NLGN4Y: variants seen among roughly 807,000 people sequenced by gnomAD.
NLGN4Y encodes neuroligin-4, Y-linked.
Under a neutral mutation model 8.4 loss-of-function variants are expected in NLGN4Y, and 4 were observed. The ratio of observed to expected loss-of-function variants is 0.48; its 90% CI spans 0.23 to 1.09. NLGN4Y has a LOEUF of 1.09. NLGN4Y is among the 50% of genes least tolerant of loss of function. The pLI, the probability that NLGN4Y is intolerant of heterozygous loss-of-function variation, is 0.19. For synonymous variants in NLGN4Y, 35 were observed against 75.6 expected (o/e 0.46, Z 2.78); for missense variants, 90 against 192.3 (o/e 0.47, Z 3.15).
chrY:14,564,393 C>T, intron 1 of NLGN4Y, among the ~76,000 whole-genome samples: 2 of 33,321 alleles, frequency 6.0e-5, no homozygotes, highest in South Asian at 1.4e-3. Context: ...ATTCTTGCTG[C>T]CAGAACAGCA....
At chrY:14,691,229 C>G in intron 2 of NLGN4Y, among the ~76,000 whole-genome samples, 1 of 33,292 alleles carries the variant, frequency 3.0e-5, no homozygotes, top group Non-Finnish European at 7.5e-5. Flanking sequence ...CTTAAGTCCC[C>G]TAGGGTTCAA....
At chrY:14,803,668 C>G (rs970836356) in intron 4 of NLGN4Y, among the ~76,000 whole-genome samples, 34 of 32,497 alleles carry the variant, frequency 1.0e-3, no homozygotes, top group Non-Finnish European at 1.7e-3. Flanking sequence ...TGAGTAAAAG[C>G]CTAGGGTGCA....
chrY:14,728,142 G>A, intron 4 of NLGN4Y, among the ~76,000 whole-genome samples: 2 of 33,601 alleles, frequency 6.0e-5, no homozygotes, highest in Admixed American at 2.7e-4. Context: ...TTGTATTCTT[G>A]GATCATTGGC....
rs201729548 is a variant in NLGN4Y, at chrY:14,645,207, C to T, written c.472+22616C>T. On this transcript the variant is annotated intron_variant, in intron 2 of 6. Transcript: ENST00000684976. ...TTTTTTTTTGTGACGGAGTCTCACTCTGTTGTCCAGGCTGGAGGACAGTGG... is the reference window on the plus strand; with the variant it reads ...TTTTTTTTTGTGACGGAGTCTCACTTTGTTGTCCAGGCTGGAGGACAGTGG... 1.3e-3 allele frequency among the ~76,000 whole-genome samples: 19 copies of T among 14,713 alleles called. No individual in the cohort carries two copies. The East Asian group carries it at 0.033, about 25-fold the overall frequency. The allele number at this position is 14,713 out of a possible 37,273, so 39.5% of individuals were successfully genotyped here. A position where few individuals can be genotyped will look rare whatever the true frequency, so the allele number is the denominator to read the frequency against.
In NLGN4Y at chrY:14,622,065, T is replaced by A. The variant is rs753887445; in HGVS notation, c.-55T>A. 3.3e-6 allele frequency: 1 copy of A among 302,665 alleles called. No homozygotes were observed. Among genetic ancestry groups the A allele is most frequent in the Admixed American group, 7.7e-5 (1 of 13,005 alleles). 75.5% of individuals were successfully genotyped at this position (302,665 alleles called of 400,897 possible). ...TCTGCAGGCTCGCCTCTGAGCTTTG[T>A]CTCCTTGGAGCCACCTCACTTAGAC... On this transcript the variant is annotated 5_prime_UTR_variant, in exon 2 of 7. Transcript: ENST00000684976.
At chrY:14,804,944 G>T (rs1045418471) in intron 4 of NLGN4Y, among the ~76,000 whole-genome samples, 52 of 33,559 alleles carry the variant, frequency 1.5e-3, no homozygotes, top group Non-Finnish European at 5.9e-4. Context: ...AGGAAGCTTT[G>T]CTAGGTTGCC....
intron 2 of NLGN4Y, among the ~76,000 whole-genome samples, chrY:14,706,090 T>C: frequency 6.0e-5 from 2 of 33,566 alleles, no homozygotes; most frequent in Non-Finnish European, 1.5e-4. Flanking sequence ...CAGTTCAGTA[T>C]AGCATTGAGC....
intron 1 of NLGN4Y, among the ~76,000 whole-genome samples, chrY:14,563,401 G>A: frequency 3.0e-5 from 1 of 33,162 alleles, no homozygotes; most frequent in African/African-American, 1.2e-4. Flanking sequence ...CATCTCAATC[G>A]TATTGGATAA....
At chrY:14,603,645 C>G (rs779066394) in intron 1 of NLGN4Y, among the ~76,000 whole-genome samples, 1 of 33,286 alleles carries the variant, frequency 3.0e-5, no homozygotes, top group Non-Finnish European at 7.4e-5. Context: ...CATGGTGGCA[C>G]ATAACATTTT....
chrY:14,824,651 A>C, intron 5 of NLGN4Y, among the ~76,000 whole-genome samples: 2 of 33,645 alleles, frequency 5.9e-5, no homozygotes, highest in Non-Finnish European at 1.5e-4. Context: ...AACCTGCTGA[A>C]TACCTGGGAC....
At chrY:14,547,728 G>C in intron 1 of NLGN4Y, among the ~76,000 whole-genome samples, 1 of 33,758 alleles carries the variant, frequency 3.0e-5, no homozygotes, top group South Asian at 6.5e-4. Context: ...GGACTTTGCA[G>C]AATTATTAAA....
chrY:14,657,318 A>G, intron 2 of NLGN4Y, among the ~76,000 whole-genome samples: 1 of 32,459 alleles, frequency 3.1e-5, no homozygotes, highest in Non-Finnish European at 7.5e-5. Context: ...CATTACATTT[A>G]GCGGTCATGT....
At position 14,843,143 on chromosome Y, in the gene NLGN4Y, C is replaced by T; in HGVS notation, c.*1881C>T. 2 of 121,630 alleles carry T rather than the reference C, an allele frequency of 1.6e-5. No homozygotes were observed. Among genetic ancestry groups the T allele is most frequent in the Non-Finnish European group, 3.6e-5 (2 of 56,132 alleles). The allele number at this position is 121,630 out of a possible 400,897, so 30.3% of individuals were successfully genotyped here. The stretch of plus-strand genomic sequence containing the variant: ...ATACACTCAAACTATAGTGATATAT[C>T]AGTGTTTGGGAGTGACCTCTAGAAA... On this transcript the variant is annotated 3_prime_UTR_variant, in exon 7 of 7. Transcript: ENST00000684976.
At chrY:14,811,322 C>T (rs2043078883) in intron 4 of NLGN4Y, among the ~76,000 whole-genome samples, 1 of 33,894 alleles carries the variant, frequency 3.0e-5, no homozygotes, top group Non-Finnish European at 7.3e-5. Context: ...TCTGTTTGTT[C>T]TCACTGAATA....
intron 1 of NLGN4Y, among the ~76,000 whole-genome samples, chrY:14,614,337 C>T (rs2080479963): frequency 3.1e-5 from 1 of 32,049 alleles, no homozygotes; most frequent in Admixed American, 2.8e-4. Context: ...TGGATATTAA[C>T]CCTTTGTCAG....
chrY:14,552,589 C>T (rs1011648043), intron 1 of NLGN4Y, among the ~76,000 whole-genome samples: 3 of 33,408 alleles, frequency 9.0e-5, no homozygotes, highest in African/African-American at 2.3e-4. Flanking sequence ...ACGATTGAGT[C>T]GACTTCATCA....
intron 1 of NLGN4Y, among the ~76,000 whole-genome samples, chrY:14,541,721 G>T (rs2080149955): frequency 3.0e-5 from 1 of 33,333 alleles, no homozygotes; most frequent in African/African-American, 1.2e-4. Flanking sequence ...CATAAGGGAA[G>T]GAGAAATACA....
At chrY:14,560,550 G>A in intron 1 of NLGN4Y, among the ~76,000 whole-genome samples, 1 of 33,419 alleles carries the variant, frequency 3.0e-5, no homozygotes, top group African/African-American at 1.2e-4. Context: ...ACTGGCCTCA[G>A]TACTTTAGGT....
chrY:14,749,350 T>C (rs2081035278), intron 4 of NLGN4Y, among the ~76,000 whole-genome samples: 1 of 32,716 alleles, frequency 3.1e-5, no homozygotes, highest in Non-Finnish European at 7.5e-5. Context: ...TGGCTAGAGG[T>C]GTGTCTATTT....
Sources: allele counts gnomAD v4.1 joint callset (sites outside exome capture counted in the v4.1 genomes callset), GRCh38; gene constraint gnomAD v4.1.1; transcripts MANE v1.5; gene names NCBI Gene and HGNC (gene_info 2026-07-23, HGNC 2026-07-21).